NEK1: variants seen among roughly 807,000 people sequenced by gnomAD.
NEK1 encodes serine/threonine-protein kinase Nek1.
NEK1 carries 137 observed loss-of-function variants against 182.1 expected under a neutral mutation model. That is an observed-to-expected ratio of 0.75 (90% CI 0.65 to 0.87). NEK1 has a LOEUF of 0.87. Ranked by LOEUF, NEK1 falls within the 40% of genes least tolerant of loss-of-function variation. NEK1 has a pLI of 0.00. For missense variants in NEK1, 1,391 were observed against 1,494.4 expected, an observed-to-expected ratio of 0.93 and a Z score of 1.14; for synonymous variants, 513 against 492.2, an observed-to-expected ratio of 1.04 and a Z score of -0.56.
At chr4:169,446,692 A>G (rs1740631049) in intron 27 of NEK1, among the ~76,000 whole-genome samples, 1 of 152,224 alleles carries the variant, frequency 6.6e-6, no homozygotes, top group African/African-American at 2.4e-5. Context: ...CTTACCAGAT[A>G]CATTTAACAA....
At chr4:169,518,293 A>T in intron 19 of NEK1, among the ~76,000 whole-genome samples, 1 of 37,062 alleles carries the variant, frequency 2.7e-5, no homozygotes, top group African/African-American at 1.8e-4. Context: ...TTATTTGCGT[A>T]GAGGTGTTTG....
rs183360295 is a variant in NEK1 at position 169,412,079 on chromosome 4, G to C, written c.3223-5332C>G. ...CTCCATGAGCAGAGGATTTTTGTCT[G>C]TTTTCCTCACTACTGTTAACTCTAG... On this transcript the variant is annotated intron_variant, in intron 31 of 35. Transcript: ENST00000507142. 4.4e-3 allele frequency among the ~76,000 whole-genome samples: 667 copies of C among 152,230 alleles called. 3 individuals carry two copies. Among genetic ancestry groups the C allele is most frequent in the Non-Finnish European group, 7.5e-3 (513 of 67,994 alleles).
At chr4:169,600,386 A>T (rs1040912834) in intron 4 of NEK1, among the ~76,000 whole-genome samples, 1 of 151,926 alleles carries the variant, frequency 6.6e-6, no homozygotes, top group African/African-American at 2.4e-5. Flanking sequence ...GATGGGGTCT[A>T]CAAACACCCT....
chr4:169,424,929 A>G, intron 30 of NEK1, 129 bp from the exon 31 acceptor site: 1 of 872,996 alleles, frequency 1.1e-6, no homozygotes, highest in Non-Finnish European at 1.7e-6. Context: ...TAAAATCAAA[A>G]TATGTGTGTC....
intron 20 of NEK1, among the ~76,000 whole-genome samples, 191 bp downstream of exon 20, chr4:169,508,576 CTG>C (rs1335759582): frequency 6.6e-6 from 1 of 151,912 alleles, no homozygotes; most frequent in Non-Finnish European, 1.5e-5. Flanking sequence ...AGAAAAGAAA[CTG>C]AAATCATAAT....
intron 22 of NEK1, 98 bp from the exon 23 acceptor site, chr4:169,507,230 T>A (rs1580322785): frequency 1.3e-6 from 1 of 765,598 alleles, no homozygotes; most frequent in Non-Finnish European, 2.0e-6. Context: ...ATTTACTTAT[T>A]AGCCAAAAAA....
At chr4:169,606,072 G>C (rs1771290824) in intron 2 of NEK1, among the ~76,000 whole-genome samples, 1 of 151,726 alleles carries the variant, frequency 6.6e-6, no homozygotes, top group African/African-American at 2.4e-5. Flanking sequence ...GACTCAAGGA[G>C]AAGAAAATTA....
At chr4:169,598,596 A>G (rs767957219) in intron 5 of NEK1, among the ~76,000 whole-genome samples, 9 of 152,222 alleles carry the variant, frequency 5.9e-5, no homozygotes, top group Non-Finnish European at 1.0e-4. Context: ...TGCTCAATAA[A>G]TATCTGTTAA....
chr4:169,555,672 C>A (rs375689809), intron 18 of NEK1, 48 bp downstream of exon 18: 1 of 1,611,916 alleles, frequency 6.2e-7, no homozygotes, highest in Non-Finnish European at 8.5e-7. Flanking sequence ...GTATGACAAA[C>A]GACAAAATTA....
intron 29 of NEK1, among the ~76,000 whole-genome samples, chr4:169,432,513 T>A (rs1044407361): frequency 6.6e-6 from 1 of 152,146 alleles, no homozygotes; most frequent in African/African-American, 2.4e-5. Flanking sequence ...CATAATGGAA[T>A]ACTAACTAGC....
chr4:169,580,804 G>A (rs761152302), intron 11 of NEK1, 38 bp downstream of exon 11: 14 of 1,253,486 alleles, frequency 1.1e-5, no homozygotes, highest in South Asian at 3.9e-5. Context: ...GTTGATTATT[G>A]CAAACAGATG....
At chr4:169,583,410 A>T (rs1422511894) in intron 10 of NEK1, among the ~76,000 whole-genome samples, 1 of 152,250 alleles carries the variant, frequency 6.6e-6, no homozygotes, top group African/African-American at 2.4e-5. Flanking sequence ...AACAGCAGAT[A>T]AAGGTTTTCA....
chr4:169,403,547 G>C (rs1168090750), intron 32 of NEK1, among the ~76,000 whole-genome samples: 1 of 152,084 alleles, frequency 6.6e-6, no homozygotes, highest in East Asian at 1.9e-4. Context: ...TATAGCCAGG[G>C]TGACAGAGTG....
chr4:169,501,825 G>A (rs1446669526), intron 23 of NEK1, among the ~76,000 whole-genome samples: 1 of 151,968 alleles, frequency 6.6e-6, no homozygotes, highest in Non-Finnish European at 1.5e-5. Flanking sequence ...ACAACCTAAT[G>A]CTGCACCTAC....
At chr4:169,564,926 G>A (rs530637411) in intron 12 of NEK1, among the ~76,000 whole-genome samples, 16 of 152,162 alleles carry the variant, frequency 1.1e-4, no homozygotes, top group African/African-American at 3.1e-4. Flanking sequence ...AGTGATAAGC[G>A]GTACTAAATC....
chr4:169,477,351 C>A lies in NEK1; in HGVS notation c.2207G>T (p.Ser736Ile). 1 of 1,566,680 alleles carries A rather than the reference C, an allele frequency of 6.4e-7. No homozygotes were observed. The highest frequency in any genetic ancestry group is 8.7e-7 in the Non-Finnish European group (1 of 1,154,388). ...EMQKTNNAIS[S>I]KREILRRLNE... is the part of the protein sequence containing the mutation. ...TAATCTACGAAGTATTTCTCGCTTACTCTGAAAGTCACGACATTATATATT... is the reference window on the plus strand; with the variant it reads ...TAATCTACGAAGTATTTCTCGCTTAATCTGAAAGTCACGACATTATATATT... Residue 736 changes from serine to isoleucine, a missense_variant and splice_region_variant, in exon 26 of 36, where the codon AGT (serine) becomes ATT (isoleucine). By Grantham distance (142) the Ser-to-Ile change is moderately radical (BLOSUM62 -2). Around this residue, in one of 5 missense-constraint regions of NEK1, gnomAD observed 1,216 missense variants for 1,277.6 expected, o/e 0.95. Coordinates refer to ENST00000507142, the MANE Select transcript of NEK1 (RefSeq NM_001199397.3).
chr4:169,611,769 T>C (rs1325244068), intron 2 of NEK1, among the ~76,000 whole-genome samples: 1 of 152,242 alleles, frequency 6.6e-6, no homozygotes, highest in Non-Finnish European at 1.5e-5. Context: ...AATGCTTGCT[T>C]ATCCATACTA....
intron 27 of NEK1, among the ~76,000 whole-genome samples, chr4:169,438,549 TTC>T (rs943008198): frequency 2.0e-5 from 3 of 152,264 alleles, no homozygotes; most frequent in African/African-American, 7.2e-5. Context: ...AACTAGTTGA[TTC>T]TGTTTATATG....
chr4:169,556,190 C>T, intron 16 of NEK1, 95 bp from the exon 17 acceptor site: 2 of 1,159,290 alleles, frequency 1.7e-6, no homozygotes, highest in South Asian at 3.6e-5. Context: ...CAATGCTTCA[C>T]TTTTAAAAAG....
Sources: gnomAD v4.1 joint callset for allele counts (sites outside exome capture counted in the v4.1 genomes callset) on GRCh38, gnomAD v4.1.1 for gene constraint, gnomAD v4.1.1 regional missense constraint, MANE v1.5 for transcripts, NCBI Gene and HGNC (gene_info 2026-07-23, HGNC 2026-07-21) for gene names.